Variants in XKR6 observed in about 807,000 individuals in gnomAD.
XKR6 encodes XK related 6.
A neutral mutation model predicts 56.7 loss-of-function variants in XKR6; 22 were observed. That is an observed-to-expected ratio of 0.39 (90% CI 0.28 to 0.55). XKR6 has a LOEUF of 0.55. Ranked by LOEUF, XKR6 falls within the 20% of genes least tolerant of loss-of-function variation. The pLI is 0.66. For synonymous variants in XKR6, 524 were observed against 387.8 expected, an observed-to-expected ratio of 1.35 and a Z score of -4.13; for missense variants, 852 against 889.0, an observed-to-expected ratio of 0.96 and a Z score of 0.53.
intron 1 of XKR6, among the ~76,000 whole-genome samples, chr8:11,176,083 A>G (rs573635871): frequency 6.6e-6 from 1 of 152,218 alleles, no homozygotes; most frequent in Non-Finnish European, 1.5e-5. Flanking sequence ...CAAGGTTCCC[A>G]GCTTGTATAA....
In XKR6 at chr8:11,041,149, G is replaced by A. The variant is rs374284807; in HGVS notation, c.765-116319C>T. Among the ~76,000 whole-genome samples, 43 of 152,196 alleles carry A rather than the reference G, an allele frequency of 2.8e-4. 1 individual carries two copies. Among genetic ancestry groups the A allele is most frequent in the African/African-American group, 9.2e-4 (38 of 41,526 alleles). ...GACGTTAGGGACAGCTCAGTGTACC[G>A]TACATCCCTGAAACGCATTTTAGAA... On this transcript the variant is annotated intron_variant, in intron 1 of 2. Transcript: ENST00000416569.
intron 1 of XKR6, among the ~76,000 whole-genome samples, chr8:11,101,456 G>A (rs1252539383): frequency 6.6e-6 from 1 of 151,942 alleles, no homozygotes; most frequent in Non-Finnish European, 1.5e-5. Context: ...TCATTTTTGT[G>A]CACTCTCTAA....
At chr8:11,161,156 A>T (rs959364994) in intron 1 of XKR6, among the ~76,000 whole-genome samples, 2 of 152,222 alleles carry the variant, frequency 1.3e-5, no homozygotes, top group Non-Finnish European at 2.9e-5. Flanking sequence ...TACCTGGTAG[A>T]AATTAAATTC....
chr8:11,175,155 G>C (rs557423709), intron 1 of XKR6: 1 of 152,484 alleles, frequency 6.6e-6, no homozygotes, highest in African/African-American at 2.4e-5. Flanking sequence ...CCAGGCCATC[G>C]AGGTTGCATA....
intron 1 of XKR6, among the ~76,000 whole-genome samples, chr8:11,083,950 T>C (rs909023596): frequency 3.9e-5 from 6 of 152,186 alleles, no homozygotes; most frequent in Non-Finnish European, 8.8e-5. Context: ...CCTTTAATAC[T>C]ATATTATTTT....
chr8:11,053,108 G>A (rs922930944), intron 1 of XKR6, among the ~76,000 whole-genome samples: 1 of 152,206 alleles, frequency 6.6e-6, no homozygotes, highest in Admixed American at 6.5e-5. Context: ...CCAAGGGACC[G>A]CAGGCTTCCT....
At chr8:11,110,145 G>A (rs1373677665) in intron 1 of XKR6, among the ~76,000 whole-genome samples, 2 of 151,992 alleles carry the variant, frequency 1.3e-5, no homozygotes, top group East Asian at 1.9e-4. Context: ...GCTCATTTTT[G>A]TATTTTTAGT....
At chr8:11,008,418 C>CTTTTTTTT (rs35571220) in intron 1 of XKR6, among the ~76,000 whole-genome samples, 2 of 104,140 alleles carry the variant, frequency 1.9e-5, no homozygotes, top group Non-Finnish European at 3.7e-5. Context: ...GCTCCCCAGG[C>CTTTTTTTT]TTTTTTTTTT....
chr8:11,190,850 T>C (rs1030948854), intron 1 of XKR6, among the ~76,000 whole-genome samples: 1 of 152,240 alleles, frequency 6.6e-6, no homozygotes, highest in Non-Finnish European at 1.5e-5. Context: ...CACTTCTTCA[T>C]CTGTAAAATG....
At chr8:11,189,707 C>T (rs542737483) in intron 1 of XKR6, among the ~76,000 whole-genome samples, 2 of 152,318 alleles carry the variant, frequency 1.3e-5, no homozygotes, top group East Asian at 3.9e-4. Context: ...CTTCTCATCC[C>T]TGTCTGTGTA....
chr8:11,085,729 C>T (rs1797863937), intron 1 of XKR6, among the ~76,000 whole-genome samples: 1 of 152,170 alleles, frequency 6.6e-6, no homozygotes, highest in Admixed American at 6.5e-5. Flanking sequence ...TCTGAAGAGT[C>T]CAATTTCAGA....
chr8:11,059,644 G>A (rs1209248532), intron 1 of XKR6, among the ~76,000 whole-genome samples: 22 of 150,906 alleles, frequency 1.5e-4, no homozygotes, highest in African/African-American at 5.3e-4. Flanking sequence ...GGCGGGGCGG[G>A]ACAGGTGCGG....
intron 1 of XKR6, among the ~76,000 whole-genome samples, chr8:10,979,442 A>C (rs999543277): frequency 6.6e-6 from 1 of 151,830 alleles, no homozygotes; most frequent in South Asian, 2.1e-4. Context: ...AACCCAGGCC[A>C]CCTTCCAAGG....
At chr8:10,900,789 G>C (rs889870146) in intron 2 of XKR6, among the ~76,000 whole-genome samples, 2 of 151,702 alleles carry the variant, frequency 1.3e-5, no homozygotes, top group Non-Finnish European at 2.9e-5. Flanking sequence ...GTGCAGCAGG[G>C]AGAACTCCCC....
chr8:11,079,026 C>A (rs891107551), intron 1 of XKR6, among the ~76,000 whole-genome samples: 6 of 152,246 alleles, frequency 3.9e-5, no homozygotes, highest in African/African-American at 1.4e-4. Context: ...GAACAGGGCG[C>A]TGCAGGGCCA....
intron 1 of XKR6, among the ~76,000 whole-genome samples, chr8:11,142,828 A>G (rs531706877): frequency 7.2e-5 from 11 of 152,216 alleles, no homozygotes; most frequent in Non-Finnish European, 1.3e-4. Context: ...TGATGGAACA[A>G]TGTGAGCTTC....
chr8:11,002,351 C>T (rs1045878187), intron 1 of XKR6: 1 of 270,478 alleles, frequency 3.7e-6, no homozygotes. Context: ...AAGGCTGGAC[C>T]ATGACCTTTG....
intron 1 of XKR6, among the ~76,000 whole-genome samples, chr8:11,041,372 A>G (rs1799281775): frequency 6.6e-6 from 1 of 152,092 alleles, no homozygotes; most frequent in African/African-American, 2.4e-5. Flanking sequence ...TCTGGCCAAC[A>G]TGGTGAAACC....
At position 10,981,099 on chromosome 8, in the gene XKR6, G is replaced by T. The variant is rs189860377; in HGVS notation, c.765-56269C>A. ...ACCCCCACTATCTCCCAAAGCCTTTGTTGTCTTCTACTCTCCCACTGTCAA... is the reference window on the plus strand; with the variant it reads ...ACCCCCACTATCTCCCAAAGCCTTTTTTGTCTTCTACTCTCCCACTGTCAA... On this transcript the variant is annotated intron_variant, in intron 1 of 2. Coordinates refer to ENST00000416569, the MANE Select transcript of XKR6 (RefSeq NM_173683.4). 3.3e-3 allele frequency among the ~76,000 whole-genome samples: 498 copies of T among 152,266 alleles called. 4 individuals carry two copies. The highest frequency in any genetic ancestry group is 0.012 in the African/African-American group (479 of 41,550).
Sources: gnomAD v4.1 joint callset for allele counts (sites outside exome capture counted in the v4.1 genomes callset) on GRCh38, gnomAD v4.1.1 for gene constraint, MANE v1.5 for transcripts, NCBI Gene and HGNC (gene_info 2026-07-23, HGNC 2026-07-21) for gene names.